Variants in FER observed in about 807,000 individuals in gnomAD.
The protein encoded by FER is tyrosine-protein kinase Fer.
A neutral mutation model predicts 111.0 loss-of-function variants in FER; 63 were observed. That is an observed-to-expected ratio of 0.57 (90% confidence interval 0.46 to 0.70). The LOEUF (loss-of-function observed/expected upper bound fraction) is 0.70, where lower values mean the gene tolerates loss of function less well. FER is among the 30% of genes least tolerant of loss of function. The pLI is 0.00. For synonymous variants in FER, 327 were observed against 313.9 expected, an observed-to-expected ratio of 1.04 and a Z score of -0.44; for missense variants, 914 against 954.0, an observed-to-expected ratio of 0.96 and a Z score of 0.55.
intron 5 of FER, among the ~76,000 whole-genome samples, chr5:108,846,773 C>G (rs958322414): frequency 6.6e-6 from 1 of 151,820 alleles, no homozygotes; most frequent in African/African-American, 2.4e-5. Context: ...TTAGTAGAGA[C>G]GAGGTTTCAC....
chr5:109,106,116 T>C (rs1023617933), intron 17 of FER, among the ~76,000 whole-genome samples: 3 of 152,204 alleles, frequency 2.0e-5, no homozygotes, highest in Admixed American at 6.5e-5. Context: ...AACAGAGGTA[T>C]CTTCTGATTA....
At chr5:108,835,188 C>A (rs1048960154) in intron 4 of FER, among the ~76,000 whole-genome samples, 1 of 109,228 alleles carries the variant, frequency 9.2e-6, no homozygotes, top group African/African-American at 4.0e-5. Flanking sequence ...TGCGCCACCC[C>A]CCCCCCCCCA....
intron 13 of FER, among the ~76,000 whole-genome samples, chr5:109,034,942 A>G (rs1401781123): frequency 1.3e-5 from 2 of 152,054 alleles, no homozygotes; most frequent in African/African-American, 4.8e-5. Flanking sequence ...TTTTTTATTA[A>G]AAAATGAACT....
At chr5:109,116,333 C>G (rs1333248272) in intron 17 of FER, among the ~76,000 whole-genome samples, 2 of 150,530 alleles carry the variant, frequency 1.3e-5, no homozygotes, top group Non-Finnish European at 2.9e-5. Context: ...ATTATTTTAT[C>G]TATAGTCTTT....
intron 6 of FER, among the ~76,000 whole-genome samples, chr5:108,869,836 A>G (rs1764437239): frequency 1.3e-5 from 2 of 152,202 alleles, no homozygotes; most frequent in South Asian, 4.1e-4. Flanking sequence ...AAATAAAGAT[A>G]ATTTGATAGT....
chr5:109,139,532 A>G (rs1753299115), intron 17 of FER, among the ~76,000 whole-genome samples: 1 of 151,952 alleles, frequency 6.6e-6, no homozygotes, highest in South Asian at 2.1e-4. Flanking sequence ...AAATGCTAAA[A>G]GAGAGCATTT....
intron 13 of FER, among the ~76,000 whole-genome samples, chr5:108,986,472 T>C (rs1384894929): frequency 6.6e-6 from 1 of 152,142 alleles, no homozygotes; most frequent in Non-Finnish European, 1.5e-5. Flanking sequence ...TATTTATCTT[T>C]GTTTTTGTTG....
chr5:108,813,125 G>C (rs1457776630), intron 3 of FER, among the ~76,000 whole-genome samples: 4 of 151,796 alleles, frequency 2.6e-5, no homozygotes, highest in African/African-American at 7.3e-5. Flanking sequence ...TTTTTTTTAG[G>C]TTTGAAAGCG....
chr5:109,145,962 G>T (rs116733725), intron 17 of FER, among the ~76,000 whole-genome samples: 1,556 of 150,960 alleles, frequency 0.01, 22 homozygotes, highest in African/African-American at 0.036. Flanking sequence ...AATTTTGCAT[G>T]AATAATATAG....
chr5:108,892,764 A>T (rs1013961053), intron 9 of FER, among the ~76,000 whole-genome samples: 6 of 152,114 alleles, frequency 3.9e-5, no homozygotes, highest in African/African-American at 1.4e-4. Flanking sequence ...CTGAATGGTA[A>T]TGCCTAGGTT....
chr5:109,148,791 A>G (rs948438995), intron 17 of FER, among the ~76,000 whole-genome samples: 4 of 152,130 alleles, frequency 2.6e-5, no homozygotes, highest in African/African-American at 9.7e-5. Context: ...ATGTATTCTC[A>G]CCCAGCAAGT....
At chr5:109,062,335 C>G (rs924357422) in intron 16 of FER, among the ~76,000 whole-genome samples, 1 of 151,900 alleles carries the variant, frequency 6.6e-6, no homozygotes, top group Non-Finnish European at 1.5e-5. Flanking sequence ...ACCAGCCTGC[C>G]CAACAAAGCA....
At chr5:108,792,685 T>G (rs1755514838) in intron 2 of FER, among the ~76,000 whole-genome samples, 1 of 152,108 alleles carries the variant, frequency 6.6e-6, no homozygotes, top group African/African-American at 2.4e-5. Context: ...TTGCTTTTTT[T>G]TTTTGTAAAA....
chr5:109,040,418 A>G (rs1446293208), intron 14 of FER, among the ~76,000 whole-genome samples: 1 of 152,136 alleles, frequency 6.6e-6, no homozygotes, highest in African/African-American at 2.4e-5. Context: ...GCAGAAAACC[A>G]GGAGATATGA....
At chr5:108,909,282 T>A (rs1751224078) in intron 10 of FER, among the ~76,000 whole-genome samples, 2 of 152,210 alleles carry the variant, frequency 1.3e-5, no homozygotes. Flanking sequence ...TTTATTATAG[T>A]ATTGTGCAGA....
chr5:108,880,008 G>T (rs899953087), intron 8 of FER, among the ~76,000 whole-genome samples: 3 of 151,886 alleles, frequency 2.0e-5, no homozygotes, highest in African/African-American at 7.3e-5. Context: ...ACTGCTCCTG[G>T]CCTCCCTGTA....
At chr5:108,780,850 G>GTTT (rs75740995) in intron 2 of FER, among the ~76,000 whole-genome samples, 1 of 145,166 alleles carries the variant, frequency 6.9e-6, no homozygotes, top group African/African-American at 2.5e-5. Flanking sequence ...TTGCTTTGTA[G>GTTT]TTTTTTTTTT....
At chr5:108,900,003 C>T (rs892960705) in intron 10 of FER, among the ~76,000 whole-genome samples, 5 of 152,120 alleles carry the variant, frequency 3.3e-5, no homozygotes, top group African/African-American at 9.7e-5. Context: ...TATATTTTTA[C>T]AAGATGGTGC....
chr5:109,023,057 G>A (rs984571318), intron 13 of FER, among the ~76,000 whole-genome samples: 1 of 152,090 alleles, frequency 6.6e-6, no homozygotes, highest in Non-Finnish European at 1.5e-5. Flanking sequence ...GTAAAGGGAG[G>A]ATGGAAGCAT....
Sources: gnomAD v4.1 joint callset for allele counts (sites outside exome capture counted in the v4.1 genomes callset) on GRCh38, gnomAD v4.1.1 for gene constraint, MANE v1.5 for transcripts, NCBI Gene and HGNC (gene_info 2026-07-23, HGNC 2026-07-21) for gene names.